The following ZNF705G variants were observed in gnomAD, a reference collection of about 807,000 sequenced individuals.
The protein encoded by ZNF705G is putative zinc finger protein 705G.
Under a neutral mutation model 19.6 loss-of-function variants are expected in ZNF705G, and 23 were observed. The ratio of observed to expected loss-of-function variants is 1.17; its 90% CI spans 0.84 to 1.66. The LOEUF is 1.66. Ranked by LOEUF, ZNF705G falls within the 40% of genes most tolerant of loss-of-function variation. The pLI is 0.00. For missense variants in ZNF705G, 457 were observed against 354.4 expected, an observed-to-expected ratio of 1.29 and a Z score of -2.32; for synonymous variants, 146 against 117.7, an observed-to-expected ratio of 1.24 and a Z score of -1.56.
chr8:7,358,526 C>T lies in ZNF705G; in HGVS notation c.353G>A (p.Cys118Tyr), dbSNP rs754423442. Residue 118 changes from cysteine to tyrosine, a missense_variant, in exon 7 of 7, where the codon TGT (cysteine) becomes TAT (tyrosine). Coordinates refer to ENST00000400156, the MANE Select transcript of ZNF705G (RefSeq NM_001164457.3). ...AGTGCAATCTTCTCCCGAATCATTACATTCAAAAGGATCCTCCAGAATGAG... is the reference window on the plus strand; with the variant it reads ...AGTGCAATCTTCTCCCGAATCATTATATTCAAAAGGATCCTCCAGAATGAG... Reference protein sequence around the residue: ...NSLILEDPFECNDSGEDCTRS... With the variant: ...NSLILEDPFEYNDSGEDCTRS... 9 of 1,607,542 alleles carry T rather than the reference C, an allele frequency of 5.6e-6. No homozygotes were observed. Among genetic ancestry groups the T allele is most frequent in the South Asian group, 1.1e-5 (1 of 90,710 alleles).
At chr8:7,365,886 A>G (rs1476602894) in intron 2 of ZNF705G, among the ~76,000 whole-genome samples, 1 of 149,528 alleles carries the variant, frequency 6.7e-6, no homozygotes, top group African/African-American at 2.6e-5. Flanking sequence ...TTCAGTAAAA[A>G]TAACTGATGT....
At chr8:7,360,199 C>T (rs558330540) in intron 5 of ZNF705G, 38 bp downstream of exon 5, 34 of 1,585,952 alleles carry the variant, frequency 2.1e-5, no homozygotes, top group Middle Eastern at 2.3e-4. Context: ...ATTGACAAAG[C>T]ACCTCCTCCT....
At chr8:7,363,375 C>T (rs9773545) in intron 2 of ZNF705G, among the ~76,000 whole-genome samples, 48,737 of 138,570 alleles carry the variant, frequency 0.35, 3,833 homozygotes, top group African/African-American at 0.46. Context: ...TAGATAAACA[C>T]TGGGATTTCT....
intron 2 of ZNF705G, among the ~76,000 whole-genome samples, chr8:7,380,523 A>G (rs1244296038): frequency 6.8e-6 from 1 of 147,382 alleles, no homozygotes; most frequent in Non-Finnish European, 1.5e-5. Context: ...GCCTGCCATC[A>G]CAGCTGTCAC....
At chr8:7,382,960 A>T (rs1375458098) in intron 1 of ZNF705G, among the ~76,000 whole-genome samples, 4 of 147,652 alleles carry the variant, frequency 2.7e-5, no homozygotes, top group Non-Finnish European at 5.9e-5. Context: ...AGTCTCTAAA[A>T]TCCATCATAT....
intron 2 of ZNF705G, among the ~76,000 whole-genome samples, chr8:7,367,172 T>A (rs1409625160): frequency 6.7e-6 from 1 of 149,628 alleles, no homozygotes; most frequent in East Asian, 1.9e-4. Flanking sequence ...AGATGCTGCC[T>A]TGATGGGACA....
rs549119944 is a variant in ZNF705G at position 7,371,111 on chromosome 8, G to A, written c.-71-8094C>T. ...CAGGATAAATGGCTAATACATATATGCAATGGAATATTGTTCAGTGTTACA... is the reference window on the plus strand; with the variant it reads ...CAGGATAAATGGCTAATACATATATACAATGGAATATTGTTCAGTGTTACA... On this transcript the variant is annotated intron_variant, in intron 2 of 6. Coordinates refer to ENST00000400156, the MANE Select transcript of ZNF705G (RefSeq NM_001164457.3). 6.4e-4 allele frequency among the ~76,000 whole-genome samples: 91 copies of A among 142,744 alleles called. 3 individuals carry two copies. The highest frequency in any genetic ancestry group is 2.5e-3 in the African/African-American group (89 of 36,170). The allele number at this position is 142,744 out of a possible 152,430, so 93.6% of individuals were successfully genotyped here. A position where few individuals can be genotyped will look rare whatever the true frequency, so the allele number is the denominator to read the frequency against.
intron 5 of ZNF705G, 78 bp from the exon 6 acceptor site, chr8:7,359,779 C>A (rs1241131300): frequency 9.4e-6 from 15 of 1,596,908 alleles, no homozygotes; most frequent in Middle Eastern, 4.6e-4. Flanking sequence ...AGCCCACGTA[C>A]TTTTTTCAAA....
chr8:7,360,088 T>C (rs1806503511), intron 5 of ZNF705G, 149 bp downstream of exon 5: 19 of 1,069,400 alleles, frequency 1.8e-5, no homozygotes, highest in Non-Finnish European at 2.4e-5. Context: ...AACAAAATGA[T>C]AATAACATCT....
Position 7,361,256 on chromosome 8 carries a change from T to C in ZNF705G, c.13-20A>G. 1.3e-6 allele frequency: 2 copies of C among 1,592,608 alleles called. No homozygotes were observed. The highest frequency in any genetic ancestry group is 2.2e-5 in the South Asian group (2 of 90,700). On this transcript the variant is annotated intron_variant, in intron 3 of 6. Transcript: ENST00000400156. ...TTTCTTCTAAAACATCACAGACATT[T>C]TAGTTTAGACAGAGAAATTCCTTTC...
intron 2 of ZNF705G, among the ~76,000 whole-genome samples, chr8:7,379,343 T>G (rs1807385848): frequency 6.8e-6 from 1 of 147,332 alleles, no homozygotes. Context: ...CTTTAATATA[T>G]TTTTGCACTA....
chr8:7,367,654 T>A (rs9720262), intron 2 of ZNF705G, among the ~76,000 whole-genome samples: 9,635 of 148,908 alleles, frequency 0.065, 982 homozygotes, highest in African/African-American at 0.15. Flanking sequence ...TTCTCTTTTC[T>A]TTCTTGGACC....
At chr8:7,363,946 C>T (rs768118120) in intron 2 of ZNF705G, among the ~76,000 whole-genome samples, 1 of 149,482 alleles carries the variant, frequency 6.7e-6, no homozygotes, top group Non-Finnish European at 1.5e-5. Context: ...AGCAGGAGTA[C>T]CCCGAGTCAT....
chr8:7,359,751 T>C lies in ZNF705G; in HGVS notation c.236-50A>G. 12 of 1,604,142 alleles carry C rather than the reference T, an allele frequency of 7.5e-6. 2 individuals are homozygous for C. Among genetic ancestry groups the C allele is most frequent in the South Asian group, 1.1e-5 (1 of 90,288 alleles). On this transcript the variant is annotated intron_variant, in intron 5 of 6. Coordinates refer to ENST00000400156, the MANE Select transcript of ZNF705G (RefSeq NM_001164457.3). ...TTACATTGGTATTATGGTAATAAAA[T>C]TGTTTGAAAAGCCCCAAAGCCCACG...
In ZNF705G at chr8:7,358,188, G is replaced by A. The variant is rs1416743735; in HGVS notation, c.691C>T (p.His231Tyr). The change falls in exon 7 of 7, where the codon CAT becomes TAT. Residue 231 changes from histidine to tyrosine, a missense_variant. Transcript: ENST00000400156. ...THTGQRPYKC[H>Y]QYGKVFIQSF... ...TGAATAAAGACTTTCCCATATTGAT[G>A]ACACTTATATGGTCTCTGTCCCGTG... 17 of 1,607,542 alleles carry A rather than the reference G, an allele frequency of 1.1e-5. No individual in the cohort carries two copies. The highest frequency in any genetic ancestry group is 1.4e-5 in the African/African-American group (1 of 71,216).
At chr8:7,364,367 A>G (rs1363440545) in intron 2 of ZNF705G, among the ~76,000 whole-genome samples, 1 of 149,738 alleles carries the variant, frequency 6.7e-6, no homozygotes, top group Non-Finnish European at 1.5e-5. Flanking sequence ...AGTCCAGGAA[A>G]AATAAAAAGA....
intron 2 of ZNF705G, among the ~76,000 whole-genome samples, chr8:7,370,009 G>A (rs1402147646): frequency 6.8e-6 from 1 of 147,858 alleles, no homozygotes; most frequent in East Asian, 1.9e-4. Flanking sequence ...GTAAAAACCT[G>A]CACATACATC....
intron 2 of ZNF705G, among the ~76,000 whole-genome samples, chr8:7,366,636 C>A (rs1806869955): frequency 6.7e-6 from 1 of 149,486 alleles, no homozygotes; most frequent in African/African-American, 2.6e-5. Context: ...AAAACAATAT[C>A]CATGGACAAA....
At position 7,368,776 on chromosome 8, in the gene ZNF705G, C is replaced by T. The variant is rs903000515; in HGVS notation, c.-71-5759G>A. On this transcript the variant is annotated intron_variant, in intron 2 of 6. Transcript: ENST00000400156. The stretch of plus-strand genomic sequence containing the variant: ...CAGTGCAAGCACAGGACAGTGCTCA[C>T]AGCAATCTAGGTCTCAGCCACTCCA... 1.3e-5 allele frequency among the ~76,000 whole-genome samples: 2 copies of T among 149,664 alleles called. 1 individual carries two copies. The highest frequency in any genetic ancestry group is 5.1e-5 in the African/African-American group (2 of 39,042).
Sources: allele counts gnomAD v4.1 joint callset (sites outside exome capture counted in the v4.1 genomes callset), GRCh38; gene constraint gnomAD v4.1.1; transcripts MANE v1.5; gene names NCBI Gene and HGNC (gene_info 2026-07-23, HGNC 2026-07-21).